RNF144A: variants seen among roughly 807,000 people sequenced by gnomAD.
The protein encoded by RNF144A is ring finger protein 144A.
In RNF144A, 11 loss-of-function variants were observed where a neutral mutation model predicts 38.7. The observed-to-expected ratio is 0.28, with a 90% CI of 0.18 to 0.47. The LOEUF is 0.47. RNF144A is among the 20% of genes least tolerant of loss of function. The pLI is 0.99. For synonymous variants in RNF144A, 149 were observed against 143.9 expected, an observed-to-expected ratio of 1.04 and a Z score of -0.25; for missense variants, 316 against 377.2, an observed-to-expected ratio of 0.84 and a Z score of 1.34.
chr2:6,943,366 T>C lies in RNF144A; in HGVS notation c.-12+2219T>C, dbSNP rs1334927289. The stretch of plus-strand genomic sequence containing the variant: ...GTGCCAGGACCAGTGGTCCAGTGGC[T>C]GTGGCCACACAAGCTGGATTGGAGA... On this transcript the variant is annotated intron_variant, in intron 2 of 8. Transcript: ENST00000320892. The surrounding 1 kb of genome is among the most constrained non-coding windows in gnomAD (Gnocchi z 4.3). Among the ~76,000 whole-genome samples the C allele has an allele frequency of 6.6e-6, 1 of 152,188 alleles. No individual in the cohort carries two copies. Among genetic ancestry groups the C allele is most frequent in the African/African-American group, 2.4e-5 (1 of 41,456 alleles).
At position 7,020,806 on chromosome 2, in the gene RNF144A, G is replaced by A. The variant is rs142051456; in HGVS notation, c.509+126G>A. 6 of 768,124 alleles carry A rather than the reference G, an allele frequency of 7.8e-6. No individual in the cohort carries two copies. The East Asian group carries it at 1.3e-4, about 16-fold the overall frequency. The allele number at this position is 768,124 out of a possible 1,614,324, so 47.6% of individuals were successfully genotyped here. A position where few individuals can be genotyped will look rare whatever the true frequency, so the allele number is the denominator to read the frequency against. On this transcript the variant is annotated intron_variant, in intron 6 of 8. Transcript: ENST00000320892. Reference sequence around the variant, plus strand: ...GGCTCAGTCAACCCTAACACACACTGTACCTCTTGAGCCTCACTCAAGCCT... The same window carrying A: ...GGCTCAGTCAACCCTAACACACACTATACCTCTTGAGCCTCACTCAAGCCT...
intron 3 of RNF144A, among the ~76,000 whole-genome samples, chr2:7,007,534 C>G (rs1406913770): frequency 6.6e-6 from 1 of 152,170 alleles, no homozygotes; most frequent in Non-Finnish European, 1.5e-5. Flanking sequence ...AGAGTCTGAC[C>G]CAGGGATCAT....
rs1339942632 is a variant in RNF144A at position 7,042,272 on chromosome 2, ATGGCCCTGGGTTTGGACT to A, written c.*2514_*2531del. On this transcript the variant is annotated 3_prime_UTR_variant, in exon 9 of 9. Transcript: ENST00000320892. ...TAAAATGGAAATAGCACACAGGCAG[ATGGCCCTGGGTTTGGACT>A]TTGATCTTGCCATCATTCCCCAGTA... is the stretch of plus-strand genomic sequence containing the variant. The A allele has an allele frequency of 4.1e-6, 4 of 985,346 alleles. No individual in the cohort carries two copies. The highest frequency in any genetic ancestry group is 6.1e-5 in the Admixed American group (1 of 16,270). 61.0% of individuals were successfully genotyped at this position (985,346 alleles called of 1,614,324 possible).
rs1673129793 is a variant in RNF144A at position 7,042,861 on chromosome 2, TTTTC to T, written c.*3109_*3112del. On this transcript the variant is annotated 3_prime_UTR_variant, in exon 9 of 9. Transcript: ENST00000320892. ...GAACCAACATCTGCCACCTCTGGCA[TTTTC>T]TTTCTTTTTTTTTCTTTTTGAGACG... 1.1e-5 allele frequency: 11 copies of T among 985,032 alleles called. No individual in the cohort carries two copies. Among genetic ancestry groups the T allele is most frequent in the South Asian group, 4.7e-5 (1 of 21,270 alleles). 61.0% of individuals were successfully genotyped at this position (985,032 alleles called of 1,614,324 possible). A position where few individuals can be genotyped will look rare whatever the true frequency, so the allele number is the denominator to read the frequency against.
At chr2:7,061,787 G>C (rs1405270232) in intron 6 of RNF144A, among the ~76,000 whole-genome samples, 1 of 152,106 alleles carries the variant, frequency 6.6e-6, no homozygotes, top group Non-Finnish European at 1.5e-5. Flanking sequence ...AATATAAGGA[G>C]GGATGAATAC....
chr2:7,039,618 C>G lies in RNF144A; in HGVS notation c.748-11C>G, dbSNP rs752947866. 6.2e-7 allele frequency: 1 copy of G among 1,613,820 alleles called. No individual in the cohort carries two copies. Among genetic ancestry groups the G allele is most frequent in the South Asian group, 1.1e-5 (1 of 91,066 alleles). ...CCTCCTTACCTCTACCCCTTTGTTT[C>G]TTTCTTCCAGGTTGTGGGCATTTTT... On this transcript the variant is annotated splice_polypyrimidine_tract_variant and intron_variant, in intron 8 of 8. Transcript: ENST00000320892.
chr2:6,982,517 A>G (rs1013716894), intron 2 of RNF144A, among the ~76,000 whole-genome samples: 5 of 152,256 alleles, frequency 3.3e-5, no homozygotes, highest in African/African-American at 1.2e-4. Context: ...TTATATTCAA[A>G]TAGATTTTGT....
At chr2:6,965,718 C>T (rs1305807957) in intron 2 of RNF144A, among the ~76,000 whole-genome samples, 3 of 151,840 alleles carry the variant, frequency 2.0e-5, no homozygotes, top group Non-Finnish European at 4.4e-5. Flanking sequence ...GAAAAAGGCA[C>T]GAGATTTATA....
chr2:6,985,856 A>G, intron 2 of RNF144A, among the ~76,000 whole-genome samples: 1 of 152,010 alleles, frequency 6.6e-6, no homozygotes, highest in East Asian at 1.9e-4. Context: ...TTGTATTTTT[A>G]GTAGAGGCGG....
At chr2:6,989,088 T>G (rs953205765) in intron 2 of RNF144A, among the ~76,000 whole-genome samples, 2 of 152,232 alleles carry the variant, frequency 1.3e-5, no homozygotes, top group African/African-American at 4.8e-5. Context: ...AGAATCAAGA[T>G]CTGGGCACTA....
chr2:6,978,433 C>T (rs961551700), intron 2 of RNF144A, among the ~76,000 whole-genome samples: 1 of 152,180 alleles, frequency 6.6e-6, no homozygotes, highest in African/African-American at 2.4e-5. Flanking sequence ...TGCCTCCAAG[C>T]TCAGGGACAC....
rs141717674 is a variant in RNF144A at position 6,973,076 on chromosome 2, T to C, written c.-11-23840T>C. Among the ~76,000 whole-genome samples the C allele has an allele frequency of 1.4e-4, 21 of 152,340 alleles. No individual in the cohort carries two copies. The East Asian group carries it at 3.1e-3, about 22-fold the overall frequency. On this transcript the variant is annotated intron_variant, in intron 2 of 8. Transcript: ENST00000320892. The stretch of plus-strand genomic sequence containing the variant: ...CTTATCTATGAAATGGGGATGAATA[T>C]GCCTGCTTCACAGTTTACTGAAGGG...
At chr2:6,970,986 G>A (rs368810108) in intron 2 of RNF144A, among the ~76,000 whole-genome samples, 29 of 152,256 alleles carry the variant, frequency 1.9e-4, no homozygotes, top group African/African-American at 7.0e-4. Context: ...AAAATCACTC[G>A]TCTTTACCTT....
intron 1 of RNF144A, among the ~76,000 whole-genome samples, chr2:6,931,265 A>G (rs1330963319): frequency 1.3e-5 from 2 of 152,250 alleles, no homozygotes; most frequent in African/African-American, 2.4e-5. Flanking sequence ...ACTTCTCTGT[A>G]AATGTTCCTG....
intron 2 of RNF144A, among the ~76,000 whole-genome samples, chr2:6,969,033 G>C (rs915357151): frequency 1.3e-5 from 2 of 152,188 alleles, no homozygotes; most frequent in African/African-American, 4.8e-5. Context: ...TAGCCAATAG[G>C]TTAGGTAATA....
At chr2:7,069,847 G>A (rs59007593), downstream of RNF144A, among the ~76,000 whole-genome samples, 227 of 152,252 alleles carry the variant, frequency 1.5e-3, no homozygotes, top group African/African-American at 5.2e-3. Context: ...AGATTAACTT[G>A]GTGAAATAGT....
intron 6 of RNF144A, 76 bp from the exon 7 acceptor site, chr2:7,024,293 C>A: frequency 7.6e-7 from 1 of 1,307,862 alleles, no homozygotes; most frequent in Non-Finnish European, 1.0e-6. Context: ...GGAGCCGATG[C>A]TTCCAGCATA....
intron 1 of RNF144A, among the ~76,000 whole-genome samples, chr2:6,938,435 A>G (rs1045273006): frequency 4.6e-5 from 7 of 151,782 alleles, no homozygotes; most frequent in Non-Finnish European, 7.4e-5. Context: ...TTTAGTAGAG[A>G]TGGGATTTCA....
intron 2 of RNF144A, among the ~76,000 whole-genome samples, chr2:6,986,167 A>G (rs1223295376): frequency 2.0e-5 from 3 of 152,048 alleles, no homozygotes; most frequent in Admixed American, 2.0e-4. Context: ...CGGGTTACAG[A>G]TGAGGCCACT....
Sources: gnomAD v4.1 joint callset for allele counts (sites outside exome capture counted in the v4.1 genomes callset) on GRCh38, gnomAD v4.1.1 for gene constraint, Gnocchi (gnomAD v3.1) non-coding constraint, MANE v1.5 for transcripts, NCBI Gene and HGNC (gene_info 2026-07-23, HGNC 2026-07-21) for gene names.